The following MGA variants were observed in gnomAD, a reference collection of about 807,000 sequenced individuals.
MGA encodes the protein MAX gene-associated protein.
A neutral mutation model predicts 261.1 loss-of-function variants in MGA; 40 were observed. The observed-to-expected ratio is 0.15, with a 90% CI of 0.12 to 0.20. MGA has a LOEUF of 0.20. Among genes scored for constraint, MGA ranks in the 10% least tolerant of loss-of-function variants. The pLI, the probability that MGA is intolerant of heterozygous loss-of-function variation, is 1.00. For missense variants in MGA, 3,397 were observed against 3,630.5 expected (o/e 0.94, Z 1.65); for synonymous variants, 1,302 against 1,290.6 (o/e 1.01, Z -0.19).
intron 1 of MGA, among the ~76,000 whole-genome samples, chr15:41,646,988 AACTT>A (rs1305958984): frequency 6.6e-6 from 1 of 152,164 alleles, no homozygotes; most frequent in Non-Finnish European, 1.5e-5. Context: ...TTCCATGTAC[AACTT>A]ACTTCTTCAG....
At chr15:41,647,229 A>C (rs1304032420) in intron 1 of MGA, among the ~76,000 whole-genome samples, 1 of 152,220 alleles carries the variant, frequency 6.6e-6, no homozygotes, top group Non-Finnish European at 1.5e-5. Flanking sequence ...GTTTCACAGG[A>C]CATCTGCCTG....
rs567320330 is a variant in MGA at position 41,668,105 on chromosome 15, C to T, written c.-67-723C>T. Among the ~76,000 whole-genome samples the T allele has an allele frequency of 5.3e-5, 8 of 150,714 alleles. No individual in the cohort carries two copies. The South Asian group carries it at 6.3e-4, about 12-fold the overall frequency. ...AGGTGTGAGCCACCACACCTGGCAT[C>T]ATATAGTATTAAATTTATCACTTTT... On this transcript the variant is annotated intron_variant, in intron 1 of 23. Coordinates refer to ENST00000219905, the MANE Select transcript of MGA (RefSeq NM_001164273.2).
upstream of MGA, among the ~76,000 whole-genome samples, chr15:41,658,240 A>T (rs2057248307): frequency 6.6e-6 from 1 of 152,248 alleles, no homozygotes. Context: ...AGGCTGGACC[A>T]ATAAGTTGAG....
chr15:41,731,066 A>G (rs990802353), intron 11 of MGA, among the ~76,000 whole-genome samples: 4 of 152,216 alleles, frequency 2.6e-5, no homozygotes, highest in African/African-American at 9.6e-5. Context: ...AAAATTAAGG[A>G]TGAAAAACAT....
chr15:41,671,986 C>T (rs568636827), intron 2 of MGA, among the ~76,000 whole-genome samples: 1 of 152,180 alleles, frequency 6.6e-6, no homozygotes, highest in Non-Finnish European at 1.5e-5. Context: ...GCTTAATCAT[C>T]TTGATTATCT....
At chr15:41,662,753 G>A (rs2057488274) in intron 1 of MGA, among the ~76,000 whole-genome samples, 2 of 152,100 alleles carry the variant, frequency 1.3e-5, no homozygotes, top group South Asian at 2.1e-4. Flanking sequence ...GAGTGAACCT[G>A]TTCTCTTGAA....
At chr15:41,702,645 A>G (rs2059911141) in intron 5 of MGA, among the ~76,000 whole-genome samples, 1 of 152,198 alleles carries the variant, frequency 6.6e-6, no homozygotes, top group South Asian at 2.1e-4. Context: ...AGCCTGGGAA[A>G]ATGTTATATT....
At position 41,765,040 on chromosome 15, in the gene MGA, C is replaced by T. The variant is rs779986887; in HGVS notation, c.7899C>T (p.Ala2633=). 1.9e-5 allele frequency: 30 copies of T among 1,613,858 alleles called. 1 individual carries two copies. Among genetic ancestry groups the T allele is most frequent in the South Asian group, 1.2e-4 (11 of 91,084 alleles). The change falls in exon 23 of 24, where the codon GCC becomes GCT. Residue 2633 remains alanine, a synonymous_variant. Coordinates refer to ENST00000219905, the MANE Select transcript of MGA (RefSeq NM_001164273.2). ...AATCTGATCTTAAGCCTCAAGTTGC[C>T]GGTAGTGCTGTGGCTCTACCAGGTA...
At chr15:41,664,972 G>T (rs900867002) in intron 1 of MGA, among the ~76,000 whole-genome samples, 12 of 152,076 alleles carry the variant, frequency 7.9e-5, no homozygotes, top group Admixed American at 7.2e-4. Flanking sequence ...ATTTTTTGTT[G>T]TTGTTGTTCC....
intron 1 of MGA, among the ~76,000 whole-genome samples, chr15:41,644,528 C>T (rs187256823): frequency 6.5e-4 from 99 of 151,762 alleles, no homozygotes; most frequent in African/African-American, 2.1e-3. Context: ...ATGGTGATCA[C>T]GCACCTGTAA....
chr15:41,629,056 A>G (rs1161263413), intron 1 of MGA, among the ~76,000 whole-genome samples: 2 of 151,438 alleles, frequency 1.3e-5, no homozygotes, highest in East Asian at 3.9e-4. Context: ...TAATGCATTG[A>G]AAAAGTGCCA....
chr15:41,625,539 C>A (rs1361738086), intron 1 of MGA, among the ~76,000 whole-genome samples: 1 of 150,984 alleles, frequency 6.6e-6, no homozygotes, highest in Non-Finnish European at 1.5e-5. Context: ...CACAGCAAAA[C>A]CTTGTCTCTA....
At position 41,747,595 on chromosome 15, in the gene MGA, T is replaced by C. The variant is rs189262393; in HGVS notation, c.5213-1042T>C. On this transcript the variant is annotated intron_variant, in intron 15 of 23. Coordinates refer to ENST00000219905, the MANE Select transcript of MGA (RefSeq NM_001164273.2). ...AAAAAAAAAAAGCGTGCACCTGTGGTCCCAGCTACTTGGGAGGCTGAGCCT... is the reference window on the plus strand; with the variant it reads ...AAAAAAAAAAAGCGTGCACCTGTGGCCCCAGCTACTTGGGAGGCTGAGCCT... 3.9e-3 allele frequency among the ~76,000 whole-genome samples: 577 copies of C among 148,556 alleles called. 3 individuals are homozygous for C. Among genetic ancestry groups the C allele is most frequent in the African/African-American group, 0.014 (556 of 40,600 alleles).
At chr15:41,739,840 G>A (rs2061993882) in intron 13 of MGA, 66 bp from the exon 14 acceptor site, 1 of 1,497,558 alleles carries the variant, frequency 6.7e-7, no homozygotes, top group African/African-American at 1.4e-5. Flanking sequence ...TGAAGCCCCT[G>A]TCAAGGGAGA....
chr15:41,761,271 T>C (rs2063440077), intron 20 of MGA, among the ~76,000 whole-genome samples: 1 of 152,240 alleles, frequency 6.6e-6, no homozygotes, highest in African/African-American at 2.4e-5. Flanking sequence ...ACCTGAAATA[T>C]TCAAGGGAGC....
intron 18 of MGA, among the ~76,000 whole-genome samples, chr15:41,756,132 A>C (rs1414181415): frequency 2.0e-5 from 3 of 152,254 alleles, no homozygotes; most frequent in African/African-American, 7.2e-5. Flanking sequence ...AAACAGTGAA[A>C]AGCCAAACTC....
At chr15:41,732,524 A>G (rs1031576781) in intron 11 of MGA, among the ~76,000 whole-genome samples, 1 of 152,196 alleles carries the variant, frequency 6.6e-6, no homozygotes, top group East Asian at 1.9e-4. Flanking sequence ...TGCTATCTAG[A>G]TGGTTATATC....
chr15:41,678,113 CAG>C (rs1257849975), intron 2 of MGA, among the ~76,000 whole-genome samples: 1 of 141,248 alleles, frequency 7.1e-6, no homozygotes, highest in African/African-American at 2.6e-5. Flanking sequence ...TTTTTTGAGA[CAG>C]AGTCTTGCTC....
intron 1 of MGA, among the ~76,000 whole-genome samples, chr15:41,653,937 A>G (rs2057116903): frequency 6.6e-6 from 1 of 152,122 alleles, no homozygotes; most frequent in Non-Finnish European, 1.5e-5. Flanking sequence ...ACTGTTCTGT[A>G]CCGTTACCAA....
Sources: gnomAD v4.1 joint callset for allele counts (sites outside exome capture counted in the v4.1 genomes callset) on GRCh38, gnomAD v4.1.1 for gene constraint, MANE v1.5 for transcripts, NCBI Gene and HGNC (gene_info 2026-07-23, HGNC 2026-07-21) for gene names.